Variants in LBP observed in about 807,000 individuals in gnomAD.
LBP encodes lipopolysaccharide binding protein.
In LBP, 53 loss-of-function variants were observed where a neutral mutation model predicts 56.6. The observed-to-expected ratio is 0.94, with a 90% CI of 0.75 to 1.18. LBP has a LOEUF of 1.18. Ranked by LOEUF, LBP falls within the 50% of genes most tolerant of loss-of-function variation. The probability of loss-of-function intolerance (pLI) is 0.00; values close to 1 mark genes in which losing one functional copy is unlikely to be tolerated. For missense variants in LBP, 601 were observed against 598.3 expected, an observed-to-expected ratio of 1.00 and a Z score of -0.05; for synonymous variants, 227 against 247.5, an observed-to-expected ratio of 0.92 and a Z score of 0.78.
intron 14 of LBP, 82 bp from the exon 15 acceptor site, chr20:38,376,543 G>A (rs972972226): frequency 7.8e-6 from 10 of 1,276,532 alleles, no homozygotes; most frequent in Admixed American, 1.7e-5. Context: ...TTCGTGAGAC[G>A]TGGGCTCCCT....
chr20:38,363,615 T>C (rs2076869632), intron 6 of LBP, among the ~76,000 whole-genome samples: 1 of 152,156 alleles, frequency 6.6e-6, no homozygotes, highest in Non-Finnish European at 1.5e-5. Flanking sequence ...GAGGGGAGTG[T>C]CTGGGCCCTC....
In LBP at chr20:38,354,345, T is replaced by C. The variant is rs1209375311; in HGVS notation, c.430T>C (p.Leu144=). 1 of 1,613,792 alleles carries C rather than the reference T, an allele frequency of 6.2e-7. No homozygotes were observed. Among genetic ancestry groups the C allele is most frequent in the South Asian group, 1.1e-5 (1 of 91,056 alleles). Residue 144 remains leucine (L), a synonymous_variant, in exon 4 of 15, where the codon TTG becomes CTG. Coordinates refer to ENST00000217407, the MANE Select transcript of LBP (RefSeq NM_004139.5). The stretch of plus-strand genomic sequence containing the variant: ...CATCAGCATTTCGGTCAACCTCCTG[T>C]TGGGCAGCGAGTCCTCCGGGAGGCC... The part of the protein sequence containing the change: ...KGISISVNLL[L]GSESSGRPTV...
At chr20:38,360,828 A>G (rs966923973) in intron 6 of LBP, 61 bp downstream of exon 6, 9 of 1,265,718 alleles carry the variant, frequency 7.1e-6, no homozygotes, top group Middle Eastern at 1.9e-4. Context: ...AAGAGCATAT[A>G]TATATCTTAT....
At chr20:38,371,540 A>C (rs989351956) in intron 12 of LBP, among the ~76,000 whole-genome samples, 2 of 152,244 alleles carry the variant, frequency 1.3e-5, no homozygotes, top group African/African-American at 4.8e-5. Context: ...TACTGAACAG[A>C]ATTCTCTTAA....
At chr20:38,369,947 C>T (rs2076895565) in intron 10 of LBP, among the ~76,000 whole-genome samples, 1 of 152,168 alleles carries the variant, frequency 6.6e-6, no homozygotes, top group Non-Finnish European at 1.5e-5. Flanking sequence ...GAACTCTGCT[C>T]TCTTGTTTCT....
Position 38,354,151 on chromosome 20 carries a change from C to G in LBP, c.369-133C>G, listed in dbSNP as rs1179251988. ...GGGCTTTCTTCTAGATCTTTTATGG[C>G]TTTATTTGTTATTCTTAAATCTCTG... On this transcript the variant is annotated intron_variant, in intron 3 of 14. Transcript: ENST00000217407. The G allele has an allele frequency of 1.3e-5, 9 of 706,948 alleles. No homozygotes were observed. The Admixed American group carries it at 2.0e-4, about 16-fold the overall frequency. 43.8% of individuals were successfully genotyped at this position (706,948 alleles called of 1,614,324 possible).
At chr20:38,370,627 T>G in intron 10 of LBP, 111 bp from the exon 11 acceptor site, 2 of 948,910 alleles carry the variant, frequency 2.1e-6, no homozygotes, top group Admixed American at 3.6e-5. Context: ...ATTTCCTGCT[T>G]TAGCTCATTG....
At chr20:38,361,280 T>C (rs1207072822) in intron 6 of LBP, among the ~76,000 whole-genome samples, 1 of 152,246 alleles carries the variant, frequency 6.6e-6, no homozygotes, top group Admixed American at 6.5e-5. Context: ...TCTTTGTATG[T>C]ACAAATATAA....
At position 38,346,649 on chromosome 20, in the gene LBP, C is replaced by T. The variant is rs2076802408; in HGVS notation, c.124+9C>T. The T allele has an allele frequency of 6.2e-7, 1 of 1,613,018 alleles. No homozygotes were observed. The highest frequency in any genetic ancestry group is 8.5e-7 in the Non-Finnish European group (1 of 1,179,754). On this transcript the variant is annotated intron_variant, in intron 1 of 14. Transcript: ENST00000217407. ...CAAGGGACTGCAGTATGGTAAGAAG[C>T]CACATCTGCTGGCTGGACTTGGCAA...
rs1461077495 is a variant in LBP, at chr20:38,354,402, A to G, written c.487A>G (p.Ile163Val). 1 of 1,613,204 alleles carries G rather than the reference A, an allele frequency of 6.2e-7. No individual in the cohort carries two copies. The highest frequency in any genetic ancestry group is 8.5e-7 in the Non-Finnish European group (1 of 1,179,890). The change falls in exon 4 of 15, where the codon ATC (isoleucine) becomes GTC (valine). Residue 163 changes from isoleucine to valine, a missense_variant. Transcript: ENST00000217407. ...TVTASSCSSD[I>V]ADVEVDMSGD... ...TACTGCCTCCAGCTGCAGCAGTGACATCGCTGACGTGGAGGTGGACATGTC... is the reference window on the plus strand; with the variant it reads ...TACTGCCTCCAGCTGCAGCAGTGACGTCGCTGACGTGGAGGTGGACATGTC...
chr20:38,350,669 C>A, intron 2 of LBP, 142 bp from the exon 3 acceptor site: 3 of 864,392 alleles, frequency 3.5e-6, no homozygotes, highest in Non-Finnish European at 5.2e-6. Context: ...GTCATAAGAT[C>A]GATGCCTGGG....
At chr20:38,357,546 A>C (rs2076845672) in intron 5 of LBP, among the ~76,000 whole-genome samples, 1 of 152,198 alleles carries the variant, frequency 6.6e-6, no homozygotes, top group African/African-American at 2.4e-5. Context: ...CCAACTTCCC[A>C]AAATATTACC....
chr20:38,376,912 T>C lies in LBP; in HGVS notation c.*243T>C, dbSNP rs1198242301. ...CCCTCCCCGACTGGCCTGGGATATC[T>C]TTACAAGCAGGCACTGTATTTTTTT... On this transcript the variant is annotated 3_prime_UTR_variant, in exon 15 of 15. Coordinates refer to ENST00000217407, the MANE Select transcript of LBP (RefSeq NM_004139.5). 1.5e-6 allele frequency: 1 copy of C among 661,562 alleles called. No homozygotes were observed. The highest frequency in any genetic ancestry group is 3.0e-5 in the East Asian group (1 of 33,732). The allele number at this position is 661,562 out of a possible 1,614,324, so 41.0% of individuals were successfully genotyped here.
At chr20:38,347,141 T>A (rs1326882489) in intron 1 of LBP, among the ~76,000 whole-genome samples, 1 of 152,196 alleles carries the variant, frequency 6.6e-6, no homozygotes, top group East Asian at 1.9e-4. Context: ...AGTTGCCATA[T>A]CTTGATCCAG....
At position 38,373,993 on chromosome 20, in the gene LBP, C is replaced by G. The variant is rs1275632812; in HGVS notation, c.1381C>G (p.Leu461Val). Residue 461 changes from leucine (L) to valine (V), a missense_variant, in exon 14 of 15, where the codon CTT becomes GTT. By Grantham distance (32) the Leu-to-Val change is conservative. Coordinates refer to ENST00000217407, the MANE Select transcript of LBP (RefSeq NM_004139.5). ...GCTGAAGCGTGTTCAGCTCTACGAC[C>G]TTGGGCTGCAGATCCATAAGGTCGG... ...PLLKRVQLYD[L>V]GLQIHKDFLF... The G allele has an allele frequency of 1.2e-6, 2 of 1,614,102 alleles. No homozygotes were observed. Among genetic ancestry groups the G allele is most frequent in the South Asian group, 2.2e-5 (2 of 91,064 alleles).
chr20:38,346,762 G>A (rs2076802815), intron 1 of LBP, 122 bp downstream of exon 1: 1 of 1,353,492 alleles, frequency 7.4e-7, no homozygotes, highest in Non-Finnish European at 1.0e-6. Flanking sequence ...GCCACCTTCT[G>A]GGTCAGGTGG....
intron 4 of LBP, among the ~76,000 whole-genome samples, chr20:38,354,927 C>A (rs554483061): frequency 8.5e-4 from 130 of 152,194 alleles, no homozygotes; most frequent in African/African-American, 3.1e-3. Flanking sequence ...CAAAAAAATA[C>A]AAAAATTAGC....
intron 7 of LBP, 39 bp downstream of exon 7, chr20:38,364,105 C>T (rs780349305): frequency 2.1e-6 from 3 of 1,397,364 alleles, no homozygotes; most frequent in African/African-American, 1.4e-5. Context: ...GTGAGGCTTT[C>T]CCTCAGGGTC....
At position 38,376,769 on chromosome 20, in the gene LBP, C is replaced by G; in HGVS notation, c.*100C>G. ...AGATTCTTGAAGAATGAAGACATTTCTGCTCTCAGCTCCGGGGGTGAGGTG... is the reference window on the plus strand; with the variant it reads ...AGATTCTTGAAGAATGAAGACATTTGTGCTCTCAGCTCCGGGGGTGAGGTG... On this transcript the variant is annotated 3_prime_UTR_variant, in exon 15 of 15. Coordinates refer to ENST00000217407, the MANE Select transcript of LBP (RefSeq NM_004139.5). 8.4e-7 allele frequency: 1 copy of G among 1,195,888 alleles called. No homozygotes were observed. The highest frequency in any genetic ancestry group is 1.2e-6 in the Non-Finnish European group (1 of 807,620). The allele number at this position is 1,195,888 out of a possible 1,614,324, so 74.1% of individuals were successfully genotyped here.
Sources: gnomAD v4.1 joint callset for allele counts (sites outside exome capture counted in the v4.1 genomes callset) on GRCh38, gnomAD v4.1.1 for gene constraint, MANE v1.5 for transcripts, NCBI Gene and HGNC (gene_info 2026-07-23, HGNC 2026-07-21) for gene names.